The following FOXJ2 variants were observed in gnomAD, a reference collection of about 807,000 sequenced individuals.
FOXJ2 encodes forkhead box J2.
In FOXJ2, 18 loss-of-function variants were observed where a neutral mutation model predicts 68.4. That is an observed-to-expected ratio of 0.26 (90% CI 0.18 to 0.39). The LOEUF (loss-of-function observed/expected upper bound fraction) is 0.39. Among genes scored for constraint, FOXJ2 ranks in the 10% least tolerant of loss-of-function variants. The pLI, the probability that FOXJ2 is intolerant of heterozygous loss-of-function variation, is 1.00. For synonymous variants in FOXJ2, 274 were observed against 263.2 expected (o/e 1.04, Z -0.40); for missense variants, 670 against 726.5 (o/e 0.92, Z 0.89).
chr12:8,034,617 C>G (rs940220929), intron 1 of FOXJ2, among the ~76,000 whole-genome samples: 3 of 152,190 alleles, frequency 2.0e-5, no homozygotes, highest in African/African-American at 7.2e-5. Context: ...AAAATTAGAT[C>G]CTGGATACGA....
rs760400095 is a variant in FOXJ2, at chr12:8,049,215, G to A, written c.1328-147G>A. ...AATAGAATGAGAGTTTGAAAATGCA[G>A]AGCTCTGAAAGATATAAATTGTTAT... is the stretch of plus-strand genomic sequence containing the variant. On this transcript the variant is annotated intron_variant, in intron 8 of 10. Coordinates refer to ENST00000162391, the MANE Select transcript of FOXJ2 (RefSeq NM_018416.3). The A allele has an allele frequency of 8.4e-5, 54 of 643,584 alleles. 1 individual carries two copies. The African/African-American group carries it at 9.2e-4, about 11-fold the overall frequency. The allele number at this position is 643,584 out of a possible 1,614,324, so 39.9% of individuals were successfully genotyped here. A position where few individuals can be genotyped will look rare whatever the true frequency, so the allele number is the denominator to read the frequency against.
intron 3 of FOXJ2, among the ~76,000 whole-genome samples, chr12:8,043,444 G>T (rs746023861): frequency 5.9e-5 from 9 of 152,232 alleles, no homozygotes; most frequent in East Asian, 1.9e-4. Flanking sequence ...GACAGATGTG[G>T]ATGCTAAAGT....
chr12:8,034,263 C>T (rs1028798433), intron 1 of FOXJ2, among the ~76,000 whole-genome samples: 2 of 152,188 alleles, frequency 1.3e-5, no homozygotes, highest in Admixed American at 1.3e-4. Context: ...ATCTGGGGTC[C>T]TGGCCTTGCC....
At chr12:8,036,789 C>T (rs963588383) in intron 1 of FOXJ2, among the ~76,000 whole-genome samples, 4 of 152,098 alleles carry the variant, frequency 2.6e-5, no homozygotes, top group African/African-American at 9.7e-5. Context: ...GAAACTGAGG[C>T]ATCAAGACTT....
chr12:8,032,986 G>A lies in FOXJ2; in HGVS notation c.-862G>A. ...GGAGTACGAAAGCCCCACCCTCTGG[G>A]GCACCCCGGGAGCGGAGGCGGGAGC... On this transcript the variant is annotated 5_prime_UTR_variant, in exon 1 of 11. Transcript: ENST00000162391. The surrounding 1 kb of genome is among the most constrained non-coding windows in gnomAD (Gnocchi z 4.8). 1 of 396,458 alleles carries A rather than the reference G, an allele frequency of 2.5e-6. No individual in the cohort carries two copies. Among genetic ancestry groups the A allele is most frequent in the Non-Finnish European group, 4.4e-6 (1 of 224,994 alleles). The allele number at this position is 396,458 out of a possible 1,614,324, so 24.6% of individuals were successfully genotyped here.
In FOXJ2 at chr12:8,044,006, C is replaced by T; in HGVS notation, c.533C>T (p.Ala178Val). 7 of 1,590,158 alleles carry T rather than the reference C, an allele frequency of 4.4e-6. No homozygotes were observed. The highest frequency in any genetic ancestry group is 5.1e-6 in the Non-Finnish European group (6 of 1,168,994). Residue 178 changes from alanine (A) to valine (V), a missense_variant, in exon 5 of 11, where the codon GCA (alanine) becomes GTA (valine). Physicochemically the swap from Ala to Val is moderately conservative, Grantham distance 64. This residue lies in a region of FOXJ2 where 555 missense variants were observed against 562.2 expected (regional missense o/e 0.99). Coordinates refer to ENST00000162391, the MANE Select transcript of FOXJ2 (RefSeq NM_018416.3). Reference sequence around the variant, plus strand: ...AGCAAGAGCCCACGGGGAGGCGTTGCAGGGAGTGGAGAAGCCTCACTGCCT... The same window carrying T: ...AGCAAGAGCCCACGGGGAGGCGTTGTAGGGAGTGGAGAAGCCTCACTGCCT... ...EASKSPRGGV[A>V]GSGEASLPPE...
In FOXJ2 at chr12:8,043,945, C is replaced by T; in HGVS notation, c.478-6C>T. On this transcript the variant is annotated splice_region_variant and splice_polypyrimidine_tract_variant and intron_variant, in intron 4 of 10. Transcript: ENST00000162391. ...TTATAGATTTCTTTTTTTTCACAAC[C>T]CTCAGCTGTCCCAAGACTCACCAGA... 1 of 1,551,906 alleles carries T rather than the reference C, an allele frequency of 6.4e-7. No homozygotes were observed. Among genetic ancestry groups the T allele is most frequent in the African/African-American group, 1.4e-5 (1 of 72,464 alleles).
intron 10 of FOXJ2, among the ~76,000 whole-genome samples, chr12:8,052,517 G>A (rs1261272377): frequency 1.3e-5 from 2 of 152,156 alleles, no homozygotes; most frequent in East Asian, 1.9e-4. Context: ...TGTGCCTGGC[G>A]TCAGAAGTAT....
Position 8,035,114 on chromosome 12 carries a change from G to A in FOXJ2, c.-15+1281G>A, listed in dbSNP as rs1370954384. Among the ~76,000 whole-genome samples the A allele has an allele frequency of 6.6e-6, 1 of 152,156 alleles. No homozygotes were observed. Among genetic ancestry groups the A allele is most frequent in the Non-Finnish European group, 1.5e-5 (1 of 68,024 alleles). On this transcript the variant is annotated intron_variant, in intron 1 of 10. Coordinates refer to ENST00000162391, the MANE Select transcript of FOXJ2 (RefSeq NM_018416.3). The surrounding 1 kb of genome is among the most constrained non-coding windows in gnomAD (Gnocchi z 4.0). ...AAGCTACTGGTGGTATATGAGATAG[G>A]GCACAGGTTTGTGTGGCTGTGCTAT... is the stretch of plus-strand genomic sequence containing the variant.
At chr12:8,037,266 G>A (rs1203796223) in intron 1 of FOXJ2, among the ~76,000 whole-genome samples, 1 of 152,138 alleles carries the variant, frequency 6.6e-6, no homozygotes, top group East Asian at 1.9e-4. Flanking sequence ...AGTGGGATGG[G>A]TCAAAGGAGA....
At position 8,054,159 on chromosome 12, in the gene FOXJ2, G is replaced by C. The variant is rs1483030362; in HGVS notation, c.*1309G>C. On this transcript the variant is annotated 3_prime_UTR_variant, in exon 11 of 11. Transcript: ENST00000162391. ...TAGGCTTTGAGGGGTGAAGGAGATT[G>C]GTGGAGGAGAGTAAATAATCTAGAG... The C allele has an allele frequency of 6.6e-6, 1 of 152,228 alleles. No homozygotes were observed. Among genetic ancestry groups the C allele is most frequent in the East Asian group, 1.9e-4 (1 of 5,194 alleles). The allele number at this position is 152,228 out of a possible 1,614,324, so 9.4% of individuals were successfully genotyped here. A position where few individuals can be genotyped will look rare whatever the true frequency, so the allele number is the denominator to read the frequency against.
At chr12:8,048,918 T>C in intron 8 of FOXJ2, 120 bp downstream of exon 8, 2 of 746,570 alleles carry the variant, frequency 2.7e-6, no homozygotes, top group Non-Finnish European at 4.5e-6. Flanking sequence ...ATTGTTTTTC[T>C]TTCTTTTTAC....
intron 1 of FOXJ2, among the ~76,000 whole-genome samples, chr12:8,039,406 A>G (rs1182366153): frequency 2.0e-5 from 3 of 152,140 alleles, no homozygotes; most frequent in Non-Finnish European, 2.9e-5. Context: ...TGCATGTTGT[A>G]TGAAAATATA....
chr12:8,049,295 T>G (rs764160582), intron 8 of FOXJ2, 67 bp from the exon 9 acceptor site: 1 of 1,287,900 alleles, frequency 7.8e-7, no homozygotes, highest in African/African-American at 1.5e-5. Flanking sequence ...AACAGTGAGA[T>G]AGGGCGGGGT....
Position 8,044,087 on chromosome 12 carries a change from G to A in FOXJ2, c.614G>A (p.Ser205Asn), listed in dbSNP as rs745730928. ...LQSPTSIASY[S>N]QGTGSVDGGA... ...AGCCCCACATCTATAGCCAGCTACA[G>A]CCAGGTAGGAAGCAGATATGGCAGG... is the stretch of plus-strand genomic sequence containing the variant. The change falls in exon 5 of 11, where the codon AGC (serine) becomes AAC (asparagine). Residue 205 changes from serine to asparagine, a missense_variant. By Grantham distance (46) the Ser-to-Asn change is conservative. This residue lies in a region of FOXJ2 where 555 missense variants were observed against 562.2 expected (regional missense o/e 0.99). Coordinates refer to ENST00000162391, the MANE Select transcript of FOXJ2 (RefSeq NM_018416.3). The A allele has an allele frequency of 6.5e-7, 1 of 1,533,700 alleles. No individual in the cohort carries two copies. Among genetic ancestry groups the A allele is most frequent in the South Asian group, 1.3e-5 (1 of 77,508 alleles).
At chr12:8,050,833 C>CT (rs1947107059) in intron 10 of FOXJ2, among the ~76,000 whole-genome samples, 2 of 130,056 alleles carry the variant, frequency 1.5e-5, no homozygotes, top group African/African-American at 6.3e-5. Flanking sequence ...CTCCCTTCCC[C>CT]TCCCTTCCTT....
In FOXJ2 at chr12:8,040,199, A is replaced by G; in HGVS notation, c.333+34A>G. 6.3e-7 allele frequency: 1 copy of G among 1,593,684 alleles called. No homozygotes were observed. Among genetic ancestry groups the G allele is most frequent in the Non-Finnish European group, 8.6e-7 (1 of 1,165,260 alleles). On this transcript the variant is annotated intron_variant, in intron 2 of 10. Coordinates refer to ENST00000162391, the MANE Select transcript of FOXJ2 (RefSeq NM_018416.3). This position sits in a 1 kb window ranked among gnomAD's most constrained non-coding sequence, Gnocchi z 4.0. The stretch of plus-strand genomic sequence containing the variant: ...GCTTCTATAATCTTGGCTTAGGTTT[A>G]GGCTTCAACAGCCTTTTTAGAGAAA...
chr12:8,044,673 C>A, intron 5 of FOXJ2, 87 bp from the exon 6 acceptor site: 2 of 1,407,746 alleles, frequency 1.4e-6, no homozygotes, highest in Non-Finnish European at 9.9e-7. Context: ...ATGAAGAGGA[C>A]AGACAGGAGA....
Position 8,042,646 on chromosome 12 carries a change from C to T in FOXJ2, c.334-12C>T. ...TAATGCTCAGGCCTAACTTGCTTCT[C>T]TGCCTCTCCAGAATTCAATACGGCA... is the stretch of plus-strand genomic sequence containing the variant. On this transcript the variant is annotated splice_polypyrimidine_tract_variant and intron_variant, in intron 2 of 10. Transcript: ENST00000162391. 3 of 1,613,910 alleles carry T rather than the reference C, an allele frequency of 1.9e-6. No homozygotes were observed. The highest frequency in any genetic ancestry group is 2.5e-6 in the Non-Finnish European group (3 of 1,179,804).
Sources: allele counts gnomAD v4.1 joint callset (sites outside exome capture counted in the v4.1 genomes callset), GRCh38; gene constraint gnomAD v4.1.1; regional missense constraint gnomAD v4.1.1; non-coding constraint Gnocchi (gnomAD v3.1); transcripts MANE v1.5; gene names NCBI Gene and HGNC (gene_info 2026-07-23, HGNC 2026-07-21).